CSMD3: variants seen among roughly 807,000 people sequenced by gnomAD.
CSMD3 encodes the protein CUB and sushi domain-containing protein 3.
In CSMD3, 177 loss-of-function variants were observed where a neutral mutation model predicts 435.2. That is an observed-to-expected ratio of 0.41 (90% CI 0.36 to 0.46). The LOEUF is 0.46. Among genes scored for constraint, CSMD3 ranks in the 20% least tolerant of loss-of-function variants. CSMD3 has a pLI of 0.34. For missense variants in CSMD3, 4,265 were observed against 4,504.6 expected (o/e 0.95, Z 1.52); for synonymous variants, 1,656 against 1,520.5 (o/e 1.09, Z -2.07).
intron 22 of CSMD3, among the ~76,000 whole-genome samples, chr8:112,622,828 C>A (rs1834180894): frequency 6.6e-6 from 1 of 152,042 alleles, no homozygotes; most frequent in Non-Finnish European, 1.5e-5. Context: ...TTGATACATG[C>A]AAATCACTTA....
intron 4 of CSMD3, among the ~76,000 whole-genome samples, chr8:113,172,065 C>T (rs1202677580): frequency 1.3e-5 from 2 of 152,122 alleles, no homozygotes; most frequent in Non-Finnish European, 1.5e-5. Context: ...AGAATTAGGG[C>T]TTGGGAAACT....
chr8:112,892,639 C>A (rs1395859464), intron 10 of CSMD3, among the ~76,000 whole-genome samples: 3 of 151,524 alleles, frequency 2.0e-5, no homozygotes, highest in African/African-American at 7.3e-5. Context: ...ACTGTTCTCA[C>A]TGCTTGCTTG....
At chr8:112,499,523 A>G (rs1329680038) in intron 30 of CSMD3, among the ~76,000 whole-genome samples, 1 of 152,112 alleles carries the variant, frequency 6.6e-6, no homozygotes, top group Non-Finnish European at 1.5e-5. Context: ...AGGAACATAA[A>G]TATTAACGAT....
chr8:112,457,814 G>C (rs1816987475), intron 32 of CSMD3, among the ~76,000 whole-genome samples: 1 of 152,002 alleles, frequency 6.6e-6, no homozygotes, highest in Non-Finnish European at 1.5e-5. Context: ...GCATATGAAT[G>C]TCTAAATGCT....
chr8:113,354,043 T>C (rs906873774), intron 1 of CSMD3, among the ~76,000 whole-genome samples: 1 of 152,194 alleles, frequency 6.6e-6, no homozygotes, highest in Non-Finnish European at 1.5e-5. Context: ...AAGTTATAAA[T>C]ATGCATAGAC....
rs576786990 is a variant in CSMD3 at position 112,250,645 on chromosome 8, A to C, written c.10111-3514T>G. On this transcript the variant is annotated intron_variant, in intron 63 of 70. Transcript: ENST00000297405. ...CAACAACATTCTAAAAATTTATATT[A>C]TCAAATTCAAAAAATTCTTGGAAAA... 9.9e-4 allele frequency among the ~76,000 whole-genome samples: 151 copies of C among 151,856 alleles called. 1 individual carries two copies. The highest frequency in any genetic ancestry group is 1.8e-3 in the Non-Finnish European group (120 of 67,768).
intron 20 of CSMD3, among the ~76,000 whole-genome samples, chr8:112,642,480 G>T (rs1180722574): frequency 1.3e-5 from 2 of 152,080 alleles, no homozygotes; most frequent in African/African-American, 4.8e-5. Flanking sequence ...ATGGTGAAGA[G>T]ATTACAGATG....
chr8:112,982,295 T>G (rs1273063337), intron 6 of CSMD3, among the ~76,000 whole-genome samples: 1 of 151,888 alleles, frequency 6.6e-6, no homozygotes, highest in East Asian at 1.9e-4. Flanking sequence ...AATAGTCTTA[T>G]AAGGTCACAA....
At chr8:112,390,319 T>C (rs564672907) in intron 36 of CSMD3, among the ~76,000 whole-genome samples, 10 of 152,246 alleles carry the variant, frequency 6.6e-5, no homozygotes, top group Admixed American at 6.5e-4. Flanking sequence ...AGAAGGTGTC[T>C]AAGAACTAAA....
intron 10 of CSMD3, among the ~76,000 whole-genome samples, chr8:112,912,289 G>A (rs2082444066): frequency 6.6e-6 from 1 of 151,264 alleles, no homozygotes; most frequent in Admixed American, 6.6e-5. Context: ...TAGCGGGATT[G>A]CTGGATCATA....
At chr8:113,387,303 T>TTGTAAAC (rs2133132621) in intron 1 of CSMD3, among the ~76,000 whole-genome samples, 1 of 151,872 alleles carries the variant, frequency 6.6e-6, no homozygotes, top group African/African-American at 2.4e-5. Context: ...GTAAAACTTT[T>TTGTAAAC]TGTAAACTGT....
At chr8:113,424,899 C>A (rs2094627469) in intron 1 of CSMD3, among the ~76,000 whole-genome samples, 1 of 151,426 alleles carries the variant, frequency 6.6e-6, no homozygotes, top group Non-Finnish European at 1.5e-5. Context: ...GTCAACTACA[C>A]TGATATTTAC....
At chr8:112,629,274 T>C (rs180773584) in intron 22 of CSMD3, among the ~76,000 whole-genome samples, 67 of 152,146 alleles carry the variant, frequency 4.4e-4, no homozygotes, top group African/African-American at 1.6e-3. Context: ...CCATCACAGC[T>C]CACTGCCCCC....
chr8:113,416,635 A>G (rs1456895715), intron 1 of CSMD3, among the ~76,000 whole-genome samples: 1 of 152,086 alleles, frequency 6.6e-6, no homozygotes, highest in East Asian at 1.9e-4. Context: ...CATTTGCTGG[A>G]GTGTACCATT....
intron 1 of CSMD3, among the ~76,000 whole-genome samples, chr8:113,401,769 T>A (rs531597669): frequency 1.3e-5 from 2 of 151,618 alleles, no homozygotes; most frequent in Non-Finnish European, 3.0e-5. Flanking sequence ...AGTCACATGT[T>A]ATTATAATGT....
intron 6 of CSMD3, among the ~76,000 whole-genome samples, chr8:112,991,199 A>AAT (rs902431276): frequency 2.0e-3 from 304 of 150,386 alleles, no homozygotes; most frequent in African/African-American, 6.1e-3. Context: ...ATTGCTGCTG[A>AAT]ATATATATAT....
At chr8:112,577,966 T>C (rs1434216431) in intron 23 of CSMD3, among the ~76,000 whole-genome samples, 2 of 152,212 alleles carry the variant, frequency 1.3e-5, no homozygotes, top group African/African-American at 2.4e-5. Flanking sequence ...CACATGAACA[T>C]ATGTATAATC....
At chr8:113,299,987 A>G (rs2093752410) in intron 2 of CSMD3, among the ~76,000 whole-genome samples, 1 of 143,544 alleles carries the variant, frequency 7.0e-6, no homozygotes, top group Non-Finnish European at 1.5e-5. Context: ...GCAAGCCTCC[A>G]TCTCAAAAAA....
At chr8:112,296,135 C>T (rs916345642) in intron 53 of CSMD3, 129 bp from the exon 54 acceptor site, 3 of 725,264 alleles carry the variant, frequency 4.1e-6, no homozygotes, top group African/African-American at 1.8e-5. Flanking sequence ...TCAATTATAA[C>T]TATATGACAT....
Sources: allele counts gnomAD v4.1 joint callset (sites outside exome capture counted in the v4.1 genomes callset), GRCh38; gene constraint gnomAD v4.1.1; transcripts MANE v1.5; gene names NCBI Gene and HGNC (gene_info 2026-07-23, HGNC 2026-07-21).